The following SPINK1 variants were observed in gnomAD, a reference collection of about 807,000 sequenced individuals.
SPINK1 encodes the protein serine protease inhibitor Kazal-type 1.
In SPINK1, 5 loss-of-function variants were observed where a neutral mutation model predicts 9.5. The ratio of observed to expected loss-of-function variants is 0.52; its 90% CI spans 0.27 to 1.10. The LOEUF (loss-of-function observed/expected upper bound fraction) is 1.10, where lower values mean the gene tolerates loss of function less well. SPINK1 is among the 50% of genes least tolerant of loss of function. SPINK1 has a pLI of 0.11. For missense variants in SPINK1, 88 were observed against 92.7 expected (o/e 0.95, Z 0.21); for synonymous variants, 37 against 32.3 (o/e 1.14, Z -0.49).
chr5:147,837,649 T>TTTCTTTCTTCCTTTCTTTC, the SPINK1 span, among the ~76,000 whole-genome samples: 1 of 107,032 alleles, frequency 9.3e-6, no homozygotes, highest in African/African-American at 3.7e-5. Flanking sequence ...CATTAACTTC[T>TTTCTTTCTTCCTTTCTTTC]TTTCTTTCTT....
chr5:147,837,889 A>AG, the SPINK1 span, among the ~76,000 whole-genome samples: 39 of 151,956 alleles, frequency 2.6e-4, no homozygotes, highest in Admixed American at 2.4e-3. Flanking sequence ...TTTAGTGGAG[A>AG]GGGGGTTTCA....
intron 3 of SPINK1, among the ~76,000 whole-genome samples, chr5:147,825,778 A>T (rs1756393727): frequency 6.6e-6 from 1 of 152,160 alleles, no homozygotes; most frequent in Non-Finnish European, 1.5e-5. Context: ...CTTGTCCCAC[A>T]ATCATTAACT....
upstream of SPINK1, among the ~76,000 whole-genome samples, chr5:147,833,927 T>C (rs1416722621): frequency 6.6e-6 from 1 of 152,148 alleles, no homozygotes; most frequent in African/African-American, 2.4e-5. Flanking sequence ...TGTTACCCTT[T>C]ACTAGGACCA....
upstream of SPINK1, among the ~76,000 whole-genome samples, chr5:147,832,428 C>G (rs961089754): frequency 7.2e-5 from 11 of 152,096 alleles, no homozygotes; most frequent in Admixed American, 6.6e-4. Flanking sequence ...TTCAGACTAT[C>G]TTTTTAAGGG....
chr5:147,829,243 A>G (rs1561605710), intron 2 of SPINK1, among the ~76,000 whole-genome samples: 1 of 152,138 alleles, frequency 6.6e-6, no homozygotes, highest in Non-Finnish European at 1.5e-5. Context: ...TGATTGGGAG[A>G]GCTGCATGCC....
At chr5:147,830,070 C>T (rs1207599403) in intron 1 of SPINK1, among the ~76,000 whole-genome samples, 12 of 152,174 alleles carry the variant, frequency 7.9e-5, no homozygotes, top group Admixed American at 7.9e-4. Context: ...GTTTTTATAA[C>T]TAGCTGTGAA....
upstream of SPINK1, among the ~76,000 whole-genome samples, chr5:147,834,295 G>A (rs775943905): frequency 2.0e-5 from 3 of 152,148 alleles, no homozygotes; most frequent in Non-Finnish European, 4.4e-5. Context: ...TTTATGCCTT[G>A]TTCACTTCTG....
upstream of SPINK1, among the ~76,000 whole-genome samples, chr5:147,833,284 G>A (rs2127140443): frequency 6.6e-6 from 1 of 152,246 alleles, no homozygotes; most frequent in East Asian, 1.9e-4. Context: ...AGCAGTGAGG[G>A]TCTAAATCTA....
Position 147,829,645 on chromosome 5 carries a change from G to A in SPINK1, c.56-15C>T, listed in dbSNP as rs1172632130. 1.9e-6 allele frequency: 3 copies of A among 1,610,816 alleles called. No homozygotes were observed. The African/African-American group carries it at 4.0e-5, about 22-fold the overall frequency. ...TCCAGTGTTACCTAGAAATAAATCAGATATGGTAAGTTGGGTCCTAAATGA... is the reference window on the plus strand; with the variant it reads ...TCCAGTGTTACCTAGAAATAAATCAAATATGGTAAGTTGGGTCCTAAATGA... On this transcript the variant is annotated splice_polypyrimidine_tract_variant and intron_variant, in intron 1 of 3. Transcript: ENST00000296695.
chr5:147,833,957 A>C (rs1202578293), upstream of SPINK1, among the ~76,000 whole-genome samples: 1 of 152,170 alleles, frequency 6.6e-6, no homozygotes, highest in Admixed American at 6.6e-5. Context: ...AATAATACAA[A>C]ACAGCTTTTC....
Position 147,831,540 on chromosome 5 carries a change from G to A in SPINK1, c.38C>T (p.Ala13Val), listed in dbSNP as rs770387107. The A allele has an allele frequency of 1.2e-5, 20 of 1,613,544 alleles. No homozygotes were observed. The highest frequency in any genetic ancestry group is 2.2e-5 in the East Asian group (1 of 44,804). Reference protein sequence around the residue: ...VTGIFLLSALALLSLSGNTGA... With the variant: ...VTGIFLLSALVLLSLSGNTGA... ...ACACTTACCAGATAGACTCAACAGG[G>A]CCAAGGCACTGAGAAGAAAGATGCC... The change falls in exon 1 of 4, where the codon GCC (alanine) becomes GTC (valine). Residue 13 changes from alanine to valine, a missense_variant. Ala to Val is a moderately conservative substitution (Grantham distance 64). Transcript: ENST00000296695.
At chr5:147,835,282 G>A (rs1431922769), upstream of SPINK1, among the ~76,000 whole-genome samples, 1 of 152,018 alleles carries the variant, frequency 6.6e-6, no homozygotes, top group East Asian at 1.9e-4. Flanking sequence ...TAAATATTGT[G>A]CAAAAATATT....
At chr5:147,836,802 C>T in the SPINK1 span, among the ~76,000 whole-genome samples, 1 of 152,202 alleles carries the variant, frequency 6.6e-6, no homozygotes, top group Non-Finnish European at 1.5e-5. Flanking sequence ...TTTCTACTCT[C>T]TCCAGCCAGG....
In SPINK1 at chr5:147,831,657, G is replaced by T; in HGVS notation, c.-80C>A. 2 of 1,592,082 alleles carry T rather than the reference G, an allele frequency of 1.3e-6. No individual in the cohort carries two copies. The highest frequency in any genetic ancestry group is 1.7e-6 in the Non-Finnish European group (2 of 1,170,984). On this transcript the variant is annotated 5_prime_UTR_variant, in exon 1 of 4. Transcript: ENST00000296695. The stretch of plus-strand genomic sequence containing the variant: ...CTCTTCAGAAGCCTGGGACTGGAAG[G>T]GTCATATGGCAGATGGCAGCAAGGC...
At chr5:147,834,157 G>A (rs1165690566), upstream of SPINK1, among the ~76,000 whole-genome samples, 3 of 152,014 alleles carry the variant, frequency 2.0e-5, no homozygotes, top group Admixed American at 6.6e-5. Context: ...TTTATTTTTA[G>A]GGAGTAAATA....
upstream of SPINK1, among the ~76,000 whole-genome samples, chr5:147,832,847 C>A (rs913191120): frequency 3.3e-5 from 5 of 152,112 alleles, no homozygotes; most frequent in Non-Finnish European, 5.9e-5. Context: ...CAAGTCATGA[C>A]AAGAACTGTA....
Position 147,825,419 on chromosome 5 carries a change from C to CT in SPINK1, c.195-714dup, listed in dbSNP as rs1177435534. On this transcript the variant is annotated intron_variant, in intron 3 of 3. Transcript: ENST00000296695. ...ATCTGACTTCCATATACTTTTTTTTCTTTTTTTTTTCTTTTCTTTTTTTCT... is the reference window on the plus strand; with the variant it reads ...ATCTGACTTCCATATACTTTTTTTTCTTTTTTTTTTTCTTTTCTTTTTTTCT... 9.9e-3 allele frequency among the ~76,000 whole-genome samples: 1,454 copies of CT among 146,288 alleles called. 14 individuals are homozygous for CT. The highest frequency in any genetic ancestry group is 0.032 in the African/African-American group (1,286 of 39,938).
intron 1 of SPINK1, 110 bp from the exon 2 acceptor site, chr5:147,829,740 C>T: frequency 1.0e-6 from 1 of 955,622 alleles, no homozygotes; most frequent in Non-Finnish European, 1.7e-6. Flanking sequence ...TTACTAGGCT[C>T]TTTCATTCCC....
At chr5:147,837,706 T>TTTCTTTCTTTCTTTCTTTCTTTCC in the SPINK1 span, among the ~76,000 whole-genome samples, 2 of 148,342 alleles carry the variant, frequency 1.3e-5, no homozygotes, top group East Asian at 4.1e-4. Flanking sequence ...TCTTTCTTTC[T>TTTCTTTCTTTCTTTCTTTCTTTCC]TTCTTTCTTT....
Sources: allele counts gnomAD v4.1 joint callset (sites outside exome capture counted in the v4.1 genomes callset), GRCh38; gene constraint gnomAD v4.1.1; transcripts MANE v1.5; gene names NCBI Gene and HGNC (gene_info 2026-07-23, HGNC 2026-07-21).